MCC: variants seen among roughly 807,000 people sequenced by gnomAD.
The protein encoded by MCC is MCC regulator of Wnt signaling pathway, also known as colorectal mutant cancer protein.
MCC carries 90 observed loss-of-function variants against 116.2 expected under a neutral mutation model. The ratio of observed to expected loss-of-function variants is 0.77; its 90% CI spans 0.65 to 0.92. MCC has a LOEUF of 0.92. Ranked by LOEUF, MCC falls within the 40% of genes least tolerant of loss-of-function variation. The pLI is 0.00. For synonymous variants in MCC, 578 were observed against 510.5 expected (o/e 1.13, Z -1.78); for missense variants, 1,516 against 1,312.2 (o/e 1.16, Z -2.40).
chr5:113,203,968 C>A (rs1455799136), intron 3 of MCC, among the ~76,000 whole-genome samples: 1 of 152,184 alleles, frequency 6.6e-6, no homozygotes, highest in Non-Finnish European at 1.5e-5. Context: ...AGGAGAGATG[C>A]CGGACGCCAA....
Position 113,043,611 on chromosome 5 carries a change from G to C in MCC, c.2675C>G (p.Ser892Cys). 1 of 1,614,044 alleles carries C rather than the reference G, an allele frequency of 6.2e-7. No individual in the cohort carries two copies. Among genetic ancestry groups the C allele is most frequent in the South Asian group, 1.1e-5 (1 of 91,062 alleles). Residue 892 changes from serine to cysteine, a missense_variant, in exon 17 of 19, where the codon TCC (serine) becomes TGC (cysteine). Coordinates refer to ENST00000408903, the MANE Select transcript of MCC (RefSeq NM_001085377.2). ...GAGTTCGGCTAGGGACAGAGCTGGG[G>C]AGGCAGCATCAGCACACTCCTGACA... Reference protein sequence around the residue: ...KPGKECADAASPALSLAELRT... With the variant: ...KPGKECADAACPALSLAELRT...
chr5:113,032,453 T>C (rs1414366559), intron 17 of MCC, among the ~76,000 whole-genome samples: 1 of 150,706 alleles, frequency 6.6e-6, no homozygotes, highest in African/African-American at 2.4e-5. Context: ...CATGTTGAGA[T>C]ATTTTGGACA....
At chr5:113,458,603 G>A (rs974756542) in intron 1 of MCC, among the ~76,000 whole-genome samples, 2 of 152,136 alleles carry the variant, frequency 1.3e-5, no homozygotes, top group African/African-American at 4.8e-5. Context: ...ATTAACAAGG[G>A]CTCTTTTAAA....
intron 1 of MCC, among the ~76,000 whole-genome samples, chr5:113,422,945 T>C (rs894448577): frequency 6.6e-6 from 1 of 152,212 alleles, no homozygotes; most frequent in African/African-American, 2.4e-5. Flanking sequence ...CCATGACTCA[T>C]GGATTCTGTG....
At chr5:113,465,589 C>A (rs557688230) in intron 1 of MCC, among the ~76,000 whole-genome samples, 1 of 152,080 alleles carries the variant, frequency 6.6e-6, no homozygotes, top group East Asian at 1.9e-4. Context: ...TAAAACAAGA[C>A]GAACATTTTA....
chr5:113,027,134 T>C lies in MCC; in HGVS notation c.*168A>G, dbSNP rs1261486558. On this transcript the variant is annotated 3_prime_UTR_variant, in exon 19 of 19. Transcript: ENST00000408903. ...CTGGATACAGTCCACAATGTCACCATGGCCAGTCGCCCCAAGGGTTGAGTT... is the reference window on the plus strand; with the variant it reads ...CTGGATACAGTCCACAATGTCACCACGGCCAGTCGCCCCAAGGGTTGAGTT... The C allele has an allele frequency of 3.1e-6, 2 of 646,814 alleles. No individual in the cohort carries two copies. Among genetic ancestry groups the C allele is most frequent in the Non-Finnish European group, 5.3e-6 (2 of 378,074 alleles). 40.1% of individuals were successfully genotyped at this position (646,814 alleles called of 1,614,324 possible). A position where few individuals can be genotyped will look rare whatever the true frequency, so the allele number is the denominator to read the frequency against.
Position 113,428,193 on chromosome 5 carries a change from C to G in MCC, c.171-42981G>C, listed in dbSNP as rs189019820. Among the ~76,000 whole-genome samples the G allele has an allele frequency of 3.0e-4, 45 of 152,260 alleles. 1 individual carries two copies. The highest frequency in any genetic ancestry group is 6.0e-4 in the Non-Finnish European group (41 of 68,028). On this transcript the variant is annotated intron_variant, in intron 1 of 18. Transcript: ENST00000408903. ...CTCCTACATATAAAATCTTCAACCT[C>G]TAGTACAAGGATGATCTCTTAACCA...
At chr5:113,285,130 C>T (rs1766198211) in intron 3 of MCC, among the ~76,000 whole-genome samples, 1 of 152,076 alleles carries the variant, frequency 6.6e-6, no homozygotes, top group African/African-American at 2.4e-5. Flanking sequence ...TTTTATGGTA[C>T]ATAATAATTA....
intron 2 of MCC, among the ~76,000 whole-genome samples, chr5:113,373,665 C>T (rs946738035): frequency 2.0e-5 from 3 of 152,248 alleles, no homozygotes; most frequent in African/African-American, 7.2e-5. Context: ...TAAACAGATT[C>T]TTCCTCTATT....
chr5:113,128,819 A>C (rs1758255671), intron 5 of MCC, among the ~76,000 whole-genome samples: 1 of 152,318 alleles, frequency 6.6e-6, no homozygotes, highest in African/African-American at 2.4e-5. Context: ...AATCAGAACA[A>C]CATGTTTTGC....
intron 1 of MCC, among the ~76,000 whole-genome samples, chr5:113,447,590 G>A (rs533412793): frequency 1.3e-5 from 2 of 152,232 alleles, no homozygotes; most frequent in Admixed American, 6.5e-5. Context: ...CACATGTTCC[G>A]TATGATTACA....
At chr5:113,477,239 C>T (rs913610790) in intron 1 of MCC, among the ~76,000 whole-genome samples, 1 of 152,098 alleles carries the variant, frequency 6.6e-6, no homozygotes, top group African/African-American at 2.4e-5. Flanking sequence ...AAAAACAAAA[C>T]AAGACAAAAA....
chr5:113,173,849 C>G (rs530361372), intron 3 of MCC, among the ~76,000 whole-genome samples: 4 of 152,266 alleles, frequency 2.6e-5, no homozygotes, highest in South Asian at 4.1e-4. Context: ...CACCATAACC[C>G]TGAATGCACT....
Position 113,093,284 on chromosome 5 carries a change from C to G in MCC, c.1399-7974G>C, listed in dbSNP as rs115085545. 6.3e-3 allele frequency among the ~76,000 whole-genome samples: 955 copies of G among 152,204 alleles called. 9 individuals carry two copies. Among genetic ancestry groups the G allele is most frequent in the African/African-American group, 0.022 (913 of 41,520 alleles). The stretch of plus-strand genomic sequence containing the variant: ...CTCTGTCCTGAGTGCCAAATTACAA[C>G]AAAAGCCAGGCATGGTGGTGCGCAC... On this transcript the variant is annotated intron_variant, in intron 8 of 18. Coordinates refer to ENST00000408903, the MANE Select transcript of MCC (RefSeq NM_001085377.2).
At chr5:113,208,055 C>T (rs879501824) in intron 3 of MCC, among the ~76,000 whole-genome samples, 2 of 152,120 alleles carry the variant, frequency 1.3e-5, no homozygotes, top group Non-Finnish European at 2.9e-5. Context: ...ATACTTTCCA[C>T]TTTGTATGAT....
chr5:113,149,631 C>A (rs1278760496), intron 4 of MCC, among the ~76,000 whole-genome samples: 2 of 151,934 alleles, frequency 1.3e-5, no homozygotes, highest in Admixed American at 6.6e-5. Context: ...CAAAAATTTT[C>A]CATAGGTCAT....
intron 1 of MCC, among the ~76,000 whole-genome samples, chr5:113,397,865 T>G (rs558402723): frequency 1.2e-4 from 19 of 152,288 alleles, no homozygotes; most frequent in African/African-American, 4.3e-4. Context: ...AAAGAGCTGC[T>G]GCACAGCAAA....
intron 1 of MCC, among the ~76,000 whole-genome samples, chr5:113,448,544 A>G (rs762958107): frequency 6.6e-6 from 1 of 152,244 alleles, no homozygotes; most frequent in South Asian, 2.1e-4. Flanking sequence ...CTGGCACAGA[A>G]TGACAGCTGC....
chr5:113,164,219 T>C (rs1760651865), intron 3 of MCC, among the ~76,000 whole-genome samples: 1 of 152,158 alleles, frequency 6.6e-6, no homozygotes, highest in Non-Finnish European at 1.5e-5. Context: ...AGGTGGTCAC[T>C]ATGTCTATGT....
Sources: allele counts gnomAD v4.1 joint callset (sites outside exome capture counted in the v4.1 genomes callset), GRCh38; gene constraint gnomAD v4.1.1; transcripts MANE v1.5; gene names NCBI Gene and HGNC (gene_info 2026-07-23, HGNC 2026-07-21).